Variants in GRM7 observed in about 807,000 individuals in gnomAD.
GRM7 encodes metabotropic glutamate receptor 7.
Under a neutral mutation model 84.5 loss-of-function variants are expected in GRM7, and 35 were observed. That is an observed-to-expected ratio of 0.41 (90% CI 0.32 to 0.55). The LOEUF is 0.55. GRM7 is among the 20% of genes least tolerant of loss of function. GRM7 has a pLI of 0.19. For synonymous variants in GRM7, 487 were observed against 455.1 expected (o/e 1.07, Z -0.89); for missense variants, 1,003 against 1,194.6 (o/e 0.84, Z 2.36).
chr3:7,420,353 G>A (rs1380237208), intron 5 of GRM7, among the ~76,000 whole-genome samples: 3 of 152,020 alleles, frequency 2.0e-5, no homozygotes, highest in Non-Finnish European at 2.9e-5. Flanking sequence ...ATGTTTTATT[G>A]CAGCACCTAA....
chr3:7,198,070 T>G lies in GRM7; in HGVS notation c.736+51402T>G, dbSNP rs915098999. 2.0e-5 allele frequency among the ~76,000 whole-genome samples: 3 copies of G among 151,890 alleles called. 1 individual carries two copies. Among genetic ancestry groups the G allele is most frequent in the Admixed American group, 2.0e-4 (3 of 15,242 alleles). ...GTAGTGGAGAGCCAAGAGCTGATGA[T>G]GAGTTTTAATCGTTTTAATCAAAAC... On this transcript the variant is annotated intron_variant, in intron 2 of 9. Coordinates refer to ENST00000357716, the MANE Select transcript of GRM7 (RefSeq NM_000844.4).
At chr3:7,573,457 G>A (rs1163664973) in intron 7 of GRM7, among the ~76,000 whole-genome samples, 1 of 152,114 alleles carries the variant, frequency 6.6e-6, no homozygotes, top group East Asian at 1.9e-4. Flanking sequence ...GTGTCTGCGT[G>A]GGGAAAGGAA....
At chr3:7,361,740 A>T (rs771147005) in intron 4 of GRM7, among the ~76,000 whole-genome samples, 1 of 152,136 alleles carries the variant, frequency 6.6e-6, no homozygotes, top group Non-Finnish European at 1.5e-5. Flanking sequence ...GAAAAACTCC[A>T]CAAAGACAGA....
At chr3:6,997,281 C>T (rs143528407) in intron 1 of GRM7, among the ~76,000 whole-genome samples, 56 of 152,008 alleles carry the variant, frequency 3.7e-4, no homozygotes, top group East Asian at 3.7e-3. Flanking sequence ...ATAGAAACTT[C>T]GGCTTAATAT....
chr3:7,301,096 C>T (rs1221966218), intron 3 of GRM7, among the ~76,000 whole-genome samples: 1 of 152,112 alleles, frequency 6.6e-6, no homozygotes, highest in Non-Finnish European at 1.5e-5. Context: ...GTTCTCCATC[C>T]AAAATGCATA....
chr3:7,706,770 A>G (rs1306622658), intron 9 of GRM7, among the ~76,000 whole-genome samples: 1 of 152,144 alleles, frequency 6.6e-6, no homozygotes, highest in Non-Finnish European at 1.5e-5. Context: ...TTAATTGCCT[A>G]TGTGGTTGAA....
intron 8 of GRM7, among the ~76,000 whole-genome samples, chr3:7,598,768 G>T (rs1385329442): frequency 2.0e-5 from 3 of 152,130 alleles, no homozygotes; most frequent in Admixed American, 2.0e-4. Context: ...GCACAGAAGG[G>T]CTTCTCCATG....
At chr3:6,949,591 G>A (rs1692632852) in intron 1 of GRM7, among the ~76,000 whole-genome samples, 1 of 151,518 alleles carries the variant, frequency 6.6e-6, no homozygotes, top group Admixed American at 6.6e-5. Context: ...TCCTGAATCT[G>A]AATGTTGGCC....
intron 1 of GRM7, among the ~76,000 whole-genome samples, chr3:7,097,993 A>T (rs760766487): frequency 3.9e-4 from 60 of 152,242 alleles, no homozygotes; most frequent in Non-Finnish European, 6.3e-4. Context: ...GATGACACAC[A>T]CTAAAATGAC....
At chr3:7,400,017 G>A (rs544176649) in intron 4 of GRM7, among the ~76,000 whole-genome samples, 52 of 152,196 alleles carry the variant, frequency 3.4e-4, no homozygotes, top group Non-Finnish European at 6.2e-4. Context: ...GTTATTACAT[G>A]AAGGTTACTT....
chr3:7,316,524 A>T (rs943298657), intron 4 of GRM7, among the ~76,000 whole-genome samples: 5 of 152,192 alleles, frequency 3.3e-5, no homozygotes, highest in Non-Finnish European at 7.3e-5. Flanking sequence ...TGGATTTAAA[A>T]TATATTTTGA....
In GRM7 at chr3:7,376,827, T is replaced by G. The variant is rs142735511; in HGVS notation, c.1034-38196T>G. Among the ~76,000 whole-genome samples, 227 of 152,288 alleles carry G rather than the reference T, an allele frequency of 1.5e-3. 1 individual carries two copies. The highest frequency in any genetic ancestry group is 6.8e-3 in the Middle Eastern group (2 of 294). ...ACTGCCATTAGGAGCGGGAGAATTC[T>G]TTGCTGGGTAAGGGGACAAAGAGGG... On this transcript the variant is annotated intron_variant, in intron 4 of 9. Coordinates refer to ENST00000357716, the MANE Select transcript of GRM7 (RefSeq NM_000844.4).
At chr3:7,669,162 T>C (rs185545315) in intron 8 of GRM7, among the ~76,000 whole-genome samples, 2 of 152,298 alleles carry the variant, frequency 1.3e-5, no homozygotes, top group East Asian at 3.9e-4. Flanking sequence ...AGGGGACACG[T>C]ATAAAAGAAA....
chr3:7,570,737 A>G (rs1694613769), intron 7 of GRM7, among the ~76,000 whole-genome samples: 1 of 152,164 alleles, frequency 6.6e-6, no homozygotes, highest in Non-Finnish European at 1.5e-5. Context: ...CAGCCCCACT[A>G]GGTGGTGCCT....
rs1000140474 is a variant in GRM7 at position 6,966,925 on chromosome 3, A to C, written c.519+105018A>C. ...GGCTTAACCTCTTTCACCTTCAGGTATCTCTCCTATAAGGGGGAATAATAA... is the reference window on the plus strand; with the variant it reads ...GGCTTAACCTCTTTCACCTTCAGGTCTCTCTCCTATAAGGGGGAATAATAA... On this transcript the variant is annotated intron_variant, in intron 1 of 9. Coordinates refer to ENST00000357716, the MANE Select transcript of GRM7 (RefSeq NM_000844.4). Among the ~76,000 whole-genome samples, 9 of 152,166 alleles carry C rather than the reference A, an allele frequency of 5.9e-5. No individual in the cohort carries two copies. In the East Asian group the frequency reaches 1.7e-3, roughly 29 times the overall value.
chr3:7,258,976 A>G (rs953634813), intron 2 of GRM7, among the ~76,000 whole-genome samples: 1 of 152,258 alleles, frequency 6.6e-6, no homozygotes, highest in African/African-American at 2.4e-5. Flanking sequence ...GATGCATATG[A>G]AAATCAAGGT....
At chr3:6,970,329 C>G (rs1363684369) in intron 1 of GRM7, among the ~76,000 whole-genome samples, 2 of 152,188 alleles carry the variant, frequency 1.3e-5, no homozygotes, top group East Asian at 3.9e-4. Context: ...TCACTGGGTT[C>G]AAACTTACTA....
At chr3:7,374,004 A>G (rs1472768963) in intron 4 of GRM7, among the ~76,000 whole-genome samples, 1 of 152,170 alleles carries the variant, frequency 6.6e-6, no homozygotes, top group Non-Finnish European at 1.5e-5. Flanking sequence ...TGTCAAGGAC[A>G]TGTTCCATGG....
intron 1 of GRM7, among the ~76,000 whole-genome samples, chr3:6,872,712 T>G (rs1695167747): frequency 6.6e-6 from 1 of 151,366 alleles, no homozygotes; most frequent in African/African-American, 2.4e-5. Flanking sequence ...GAACATGTGG[T>G]GTTTGGTTTC....
Sources: gnomAD v4.1 joint callset for allele counts (sites outside exome capture counted in the v4.1 genomes callset) on GRCh38, gnomAD v4.1.1 for gene constraint, MANE v1.5 for transcripts, NCBI Gene and HGNC (gene_info 2026-07-23, HGNC 2026-07-21) for gene names.